Variants in HPSE2 observed in about 807,000 individuals in gnomAD.
HPSE2 encodes inactive heparanase-2.
In HPSE2, 38 loss-of-function variants were observed where a neutral mutation model predicts 60.5. The observed-to-expected ratio is 0.63, with a 90% CI of 0.48 to 0.82. The LOEUF is 0.82. Among genes scored for constraint, HPSE2 ranks in the 40% least tolerant of loss-of-function variants. HPSE2 has a pLI of 0.00. For missense variants in HPSE2, 713 were observed against 740.4 expected (o/e 0.96, Z 0.43); for synonymous variants, 295 against 293.2 (o/e 1.01, Z -0.06).
intron 3 of HPSE2, among the ~76,000 whole-genome samples, chr10:99,037,018 G>A (rs945403696): frequency 2.0e-5 from 3 of 152,136 alleles, no homozygotes; most frequent in Admixed American, 1.3e-4. Flanking sequence ...CTGGTATTAT[G>A]TACCCTCTGA....
the HPSE2 span, among the ~76,000 whole-genome samples, chr10:99,257,530 G>A: frequency 2.0e-5 from 3 of 152,142 alleles, no homozygotes; most frequent in African/African-American, 7.2e-5. Flanking sequence ...TTATTAGGAC[G>A]AGGAAATCCC....
intron 7 of HPSE2, among the ~76,000 whole-genome samples, chr10:98,624,763 G>A (rs577368272): frequency 7.9e-4 from 121 of 152,314 alleles, no homozygotes; most frequent in Non-Finnish European, 9.4e-4. Flanking sequence ...ATAGGATTGT[G>A]TTAAGGATCT....
chr10:98,905,285 T>C (rs1484003933), intron 3 of HPSE2, among the ~76,000 whole-genome samples: 3 of 151,802 alleles, frequency 2.0e-5, no homozygotes, highest in African/African-American at 7.3e-5. Flanking sequence ...GCATTAGGTA[T>C]ATCTCCCAAT....
the HPSE2 span, among the ~76,000 whole-genome samples, chr10:99,291,546 T>C: frequency 1.4e-5 from 2 of 140,610 alleles, no homozygotes; most frequent in South Asian, 2.2e-4. Flanking sequence ...ATCGCGCCAC[T>C]GCACTCCAGC....
chr10:99,228,693 T>C (rs1849551385), intron 2 of HPSE2, among the ~76,000 whole-genome samples: 3 of 152,170 alleles, frequency 2.0e-5, no homozygotes, highest in South Asian at 2.1e-4. Flanking sequence ...TGCCTAAGCA[T>C]AGAGTAGAAT....
At chr10:98,875,905 G>A (rs779569009) in intron 3 of HPSE2, among the ~76,000 whole-genome samples, 2 of 151,892 alleles carry the variant, frequency 1.3e-5, no homozygotes, top group Non-Finnish European at 2.9e-5. Flanking sequence ...TGTTTACAGA[G>A]TAATATACTA....
chr10:98,779,689 GCATT>G (rs1453723892), intron 3 of HPSE2, among the ~76,000 whole-genome samples: 4 of 152,216 alleles, frequency 2.6e-5, no homozygotes, highest in African/African-American at 9.6e-5. Context: ...GAGGACTCTA[GCATT>G]CATTCATTAA....
chr10:99,136,163 C>T (rs1297074902), intron 3 of HPSE2, among the ~76,000 whole-genome samples: 6 of 152,182 alleles, frequency 3.9e-5, no homozygotes, highest in African/African-American at 4.8e-5. Flanking sequence ...TTCCTAGACA[C>T]ATACACCCTC....
At chr10:98,770,126 T>C (rs1348584263) in intron 3 of HPSE2, among the ~76,000 whole-genome samples, 1 of 152,186 alleles carries the variant, frequency 6.6e-6, no homozygotes, top group Non-Finnish European at 1.5e-5. Context: ...TCTCCGCTTT[T>C]AATTTTGTTG....
chr10:98,474,699 C>T (rs998117814), intron 11 of HPSE2, among the ~76,000 whole-genome samples: 1 of 152,118 alleles, frequency 6.6e-6, no homozygotes, highest in Admixed American at 6.5e-5. Flanking sequence ...ATTTTTGGTT[C>T]ATAGGAGCCT....
intron 3 of HPSE2, among the ~76,000 whole-genome samples, chr10:98,989,563 G>A (rs906096746): frequency 6.6e-6 from 1 of 151,464 alleles, no homozygotes; most frequent in Admixed American, 6.6e-5. Flanking sequence ...GAGTTAATGG[G>A]TGCAGCACAC....
At chr10:98,690,230 T>A (rs2134161147) in intron 6 of HPSE2, among the ~76,000 whole-genome samples, 1 of 152,300 alleles carries the variant, frequency 6.6e-6, no homozygotes, top group East Asian at 1.9e-4. Context: ...TACCTCCCGA[T>A]GCATGAATTG....
At chr10:99,272,759 A>T in the HPSE2 span, among the ~76,000 whole-genome samples, 2 of 152,216 alleles carry the variant, frequency 1.3e-5, no homozygotes, top group Admixed American at 6.5e-5. Context: ...ATAATAAAAA[A>T]AAATAAAAAA....
chr10:98,881,516 C>T (rs1019517848), intron 3 of HPSE2, among the ~76,000 whole-genome samples: 8 of 152,028 alleles, frequency 5.3e-5, no homozygotes, highest in African/African-American at 1.2e-4. Flanking sequence ...GTTTGCATAT[C>T]AGTGTGGATG....
chr10:98,812,203 G>A (rs920090577), intron 3 of HPSE2, among the ~76,000 whole-genome samples: 5 of 152,054 alleles, frequency 3.3e-5, no homozygotes, highest in East Asian at 3.9e-4. Flanking sequence ...ATTGGTAACC[G>A]TTGCTCCATC....
chr10:99,239,440 T>TTTTG (rs1849911115), upstream of HPSE2, among the ~76,000 whole-genome samples: 1 of 140,270 alleles, frequency 7.1e-6, no homozygotes, highest in Admixed American at 7.1e-5. Flanking sequence ...TTTTTTTTTT[T>TTTTG]TTTTTTTGAG....
chr10:98,492,456 T>G (rs1467067688), intron 9 of HPSE2, among the ~76,000 whole-genome samples: 2 of 146,372 alleles, frequency 1.4e-5, no homozygotes, highest in Non-Finnish European at 3.0e-5. Flanking sequence ...GAGCCGAGAT[T>G]GCGCCACTGC....
the HPSE2 span, among the ~76,000 whole-genome samples, chr10:99,252,105 T>A: frequency 1.3e-5 from 2 of 151,980 alleles, no homozygotes; most frequent in African/African-American, 4.8e-5. Context: ...AAGCTTTTGA[T>A]AAAATCTTAC....
chr10:99,178,585 C>G (rs2796758), intron 2 of HPSE2, among the ~76,000 whole-genome samples: 1 of 152,106 alleles, frequency 6.6e-6, no homozygotes, highest in Non-Finnish European at 1.5e-5. Context: ...AGTCAAATCC[C>G]TGAATAGACT....
Sources: allele counts gnomAD v4.1 joint callset (sites outside exome capture counted in the v4.1 genomes callset), GRCh38; gene constraint gnomAD v4.1.1; transcripts MANE v1.5; gene names NCBI Gene and HGNC (gene_info 2026-07-23, HGNC 2026-07-21).